Variants in DOCK3 observed in about 807,000 individuals in gnomAD.
The protein encoded by DOCK3 is dedicator of cytokinesis 3.
DOCK3 carries 60 observed loss-of-function variants against 265.6 expected under a neutral mutation model. The observed-to-expected ratio is 0.23, with a 90% CI of 0.18 to 0.28. The LOEUF is 0.28. Ranked by LOEUF, DOCK3 falls within the 10% of genes least tolerant of loss-of-function variation. The probability of loss-of-function intolerance (pLI) is 1.00; values close to 1 mark genes in which losing one functional copy is unlikely to be tolerated. For missense variants in DOCK3, 1,981 were observed against 2,594.3 expected (o/e 0.76, Z 5.14); for synonymous variants, 881 against 938.0 (o/e 0.94, Z 1.11).
intron 1 of DOCK3, among the ~76,000 whole-genome samples, chr3:50,728,649 T>A (rs1576256875): frequency 6.6e-6 from 1 of 152,242 alleles, no homozygotes; most frequent in East Asian, 1.9e-4. Context: ...ACTTTAAATA[T>A]TGCTTGAATG....
chr3:50,980,172 G>A (rs954344530), intron 5 of DOCK3, among the ~76,000 whole-genome samples: 2 of 152,150 alleles, frequency 1.3e-5, no homozygotes, highest in African/African-American at 4.8e-5. Flanking sequence ...ATGCAGGTTT[G>A]TTGAATTTTA....
At chr3:51,308,199 AT>A (rs2082810800) in intron 27 of DOCK3, among the ~76,000 whole-genome samples, 1 of 149,570 alleles carries the variant, frequency 6.7e-6, no homozygotes, top group Non-Finnish European at 1.5e-5. Context: ...AACAAAACTC[AT>A]TGTTATTATT....
intron 19 of DOCK3, among the ~76,000 whole-genome samples, chr3:51,235,862 A>T (rs1233846281): frequency 6.6e-6 from 1 of 152,258 alleles, no homozygotes; most frequent in Non-Finnish European, 1.5e-5. Flanking sequence ...AGACCAAAAA[A>T]TAGTGTCTGT....
chr3:50,812,271 C>T (rs533849348), intron 2 of DOCK3, among the ~76,000 whole-genome samples: 23 of 152,192 alleles, frequency 1.5e-4, no homozygotes, highest in Non-Finnish European at 2.9e-4. Context: ...GGGCCTCCAA[C>T]GTGCAAGTCC....
intron 4 of DOCK3, among the ~76,000 whole-genome samples, chr3:50,904,788 A>AT (rs1319982405): frequency 6.6e-6 from 1 of 151,924 alleles, no homozygotes; most frequent in African/African-American, 2.4e-5. Flanking sequence ...ATTAGATCCC[A>AT]TTTGTCTATT....
At chr3:51,026,291 G>A (rs913710616) in intron 5 of DOCK3, among the ~76,000 whole-genome samples, 2 of 151,960 alleles carry the variant, frequency 1.3e-5, no homozygotes, top group East Asian at 3.9e-4. Flanking sequence ...TTATTGACTT[G>A]TATATGTTTA....
intron 22 of DOCK3, among the ~76,000 whole-genome samples, chr3:51,257,218 C>T (rs538258446): frequency 5.9e-5 from 9 of 152,310 alleles, no homozygotes; most frequent in South Asian, 2.1e-4. Flanking sequence ...TCCTCCTCTT[C>T]GTCAGATTTC....
chr3:51,169,843 A>G (rs2086589274), intron 12 of DOCK3, among the ~76,000 whole-genome samples: 1 of 151,996 alleles, frequency 6.6e-6, no homozygotes, highest in African/African-American at 2.4e-5. Flanking sequence ...CCATCGTGCT[A>G]TCCCAGGGAT....
chr3:50,726,267 G>C (rs1342550223), intron 1 of DOCK3, among the ~76,000 whole-genome samples: 2 of 152,148 alleles, frequency 1.3e-5, no homozygotes, highest in African/African-American at 4.8e-5. Context: ...TCAGCAGGCT[G>C]ACTGTACTAC....
chr3:50,675,885 T>A lies in DOCK3; in HGVS notation c.37+585T>A, dbSNP rs1204114357. Among the ~76,000 whole-genome samples the A allele has an allele frequency of 2.4e-5, 3 of 122,772 alleles. No homozygotes were observed. The highest frequency in any genetic ancestry group is 5.8e-5 in the Non-Finnish European group (3 of 51,612). The allele number at this position is 122,772 out of a possible 152,430, so 80.5% of individuals were successfully genotyped here. ...TGGACATGTATCAATGTTTATACGGTTTTTTTTTTAAACCCTGTTTTCAGA... is the reference window on the plus strand; with the variant it reads ...TGGACATGTATCAATGTTTATACGGATTTTTTTTTAAACCCTGTTTTCAGA... On this transcript the variant is annotated intron_variant, in intron 1 of 52. Coordinates refer to ENST00000266037, the MANE Select transcript of DOCK3 (RefSeq NM_004947.5). This position sits in a 1 kb window ranked among gnomAD's most constrained non-coding sequence, Gnocchi z 6.1.
intron 5 of DOCK3, among the ~76,000 whole-genome samples, chr3:50,967,085 T>C (rs548830282): frequency 6.6e-6 from 1 of 152,320 alleles, no homozygotes; most frequent in African/African-American, 2.4e-5. Flanking sequence ...TATAATATAT[T>C]GTTAACTACA....
chr3:51,182,665 A>T (rs1417395698), intron 12 of DOCK3, among the ~76,000 whole-genome samples: 1 of 152,210 alleles, frequency 6.6e-6, no homozygotes, highest in African/African-American at 2.4e-5. Flanking sequence ...CTTTTAAACC[A>T]ACTGAGAAGT....
At chr3:50,915,631 G>A (rs1323114549) in intron 4 of DOCK3, among the ~76,000 whole-genome samples, 1 of 152,074 alleles carries the variant, frequency 6.6e-6, no homozygotes, top group Non-Finnish European at 1.5e-5. Context: ...AGGGGGTGAT[G>A]TGCTGCTTCA....
chr3:51,315,781 G>T (rs142796236), intron 32 of DOCK3, among the ~76,000 whole-genome samples: 2 of 152,228 alleles, frequency 1.3e-5, no homozygotes, highest in Admixed American at 6.5e-5. Context: ...AAGCAGGCCT[G>T]CTTTGGGAGA....
At chr3:51,177,930 GC>G (rs2087048039) in intron 12 of DOCK3, among the ~76,000 whole-genome samples, 1 of 151,420 alleles carries the variant, frequency 6.6e-6, no homozygotes, top group South Asian at 2.1e-4. Context: ...GGCAGAGATT[GC>G]AGTAGCCGAG....
intron 1 of DOCK3, among the ~76,000 whole-genome samples, chr3:50,741,831 A>G (rs1039439382): frequency 2.0e-5 from 3 of 152,260 alleles, no homozygotes; most frequent in South Asian, 4.2e-4. Context: ...CTAGTTCTAG[A>G]TTCCTGAGGA....
chr3:51,141,284 A>G (rs2085055690), intron 9 of DOCK3, among the ~76,000 whole-genome samples: 1 of 125,938 alleles, frequency 7.9e-6, no homozygotes, highest in Non-Finnish European at 1.6e-5. Context: ...TGAAACTCAC[A>G]TAATTTCCTG....
intron 5 of DOCK3, among the ~76,000 whole-genome samples, chr3:50,934,776 T>C (rs1412979754): frequency 6.6e-6 from 1 of 151,394 alleles, no homozygotes; most frequent in African/African-American, 2.4e-5. Flanking sequence ...ATAAAAAAAG[T>C]AATAAACTTC....
At chr3:51,377,164 A>G (rs890298747) in intron 51 of DOCK3, among the ~76,000 whole-genome samples, 8 of 152,154 alleles carry the variant, frequency 5.3e-5, no homozygotes, top group Non-Finnish European at 8.8e-5. Flanking sequence ...CTACGACTAC[A>G]TCAAGGAGCT....
Sources: gnomAD v4.1 joint callset for allele counts (sites outside exome capture counted in the v4.1 genomes callset) on GRCh38, gnomAD v4.1.1 for gene constraint, Gnocchi (gnomAD v3.1) non-coding constraint, MANE v1.5 for transcripts, NCBI Gene and HGNC (gene_info 2026-07-23, HGNC 2026-07-21) for gene names.